The following PDHX variants were observed in gnomAD, a reference collection of about 807,000 sequenced individuals.
The protein encoded by PDHX is pyruvate dehydrogenase complex component X, also known as pyruvate dehydrogenase protein X component, mitochondrial.
A neutral mutation model predicts 55.3 loss-of-function variants in PDHX; 33 were observed. That is an observed-to-expected ratio of 0.60 (90% CI 0.45 to 0.80). The LOEUF (loss-of-function observed/expected upper bound fraction) is 0.80, where lower values mean the gene tolerates loss of function less well. PDHX is among the 30% of genes least tolerant of loss of function. The probability of loss-of-function intolerance (pLI) is 0.00; values close to 1 mark genes in which losing one functional copy is unlikely to be tolerated. For missense variants in PDHX, 622 were observed against 619.9 expected, an observed-to-expected ratio of 1.00 and a Z score of -0.04; for synonymous variants, 226 against 219.4, an observed-to-expected ratio of 1.03 and a Z score of -0.27.
chr11:34,971,440 A>G (rs1336055006), intron 7 of PDHX, among the ~76,000 whole-genome samples: 2 of 152,132 alleles, frequency 1.3e-5, no homozygotes, highest in Non-Finnish European at 2.9e-5. Context: ...TTTTTTGTAG[A>G]ATATTATTTT....
intron 2 of PDHX, among the ~76,000 whole-genome samples, chr11:34,936,269 A>G (rs12275275): frequency 0.19 from 28,728 of 152,038 alleles, 3,862 homozygotes; most frequent in African/African-American, 0.39. Flanking sequence ...GGTCCTTGAT[A>G]GACCCAACCA....
chr11:34,994,988 CGGTTGGGA>C lies in PDHX; in HGVS notation c.1327_1334del (p.Gly443ProfsTer8). 1 of 1,613,928 alleles carries C rather than the reference CGGTTGGGA, an allele frequency of 6.2e-7. No individual in the cohort carries two copies. The highest frequency in any genetic ancestry group is 8.5e-7 in the Non-Finnish European group (1 of 1,179,900). On this transcript the variant is annotated frameshift_variant, in exon 11 of 11. Transcript: ENST00000227868. LOFTEE classifies it high-confidence loss of function. ...AACCCTCCTCAGGCCTGCATTTTGG[CGGTTGGGA>C]GGTTCCGACCTGTGCTGAAGCTCAC...
At chr11:34,916,611 G>C, upstream of PDHX, 1 of 1,598,896 alleles carries the variant, frequency 6.3e-7, no homozygotes, top group South Asian at 1.1e-5. Context: ...CCTTGATGCT[G>C]GACATCAGGC....
intron 10 of PDHX, among the ~76,000 whole-genome samples, chr11:34,994,477 T>C (rs1855817869): frequency 1.3e-5 from 2 of 152,198 alleles, no homozygotes; most frequent in African/African-American, 2.4e-5. Context: ...CTGTAGACTT[T>C]ATAAACACTG....
At chr11:34,951,401 G>A (rs1279861086) in intron 3 of PDHX, among the ~76,000 whole-genome samples, 1 of 152,138 alleles carries the variant, frequency 6.6e-6, no homozygotes, top group Non-Finnish European at 1.5e-5. Context: ...ACTGGTGTGA[G>A]ATGGTATCTC....
In PDHX at chr11:34,957,575, G is replaced by C; in HGVS notation, c.534G>C (p.Gly178=). 1 of 1,612,022 alleles carries C rather than the reference G, an allele frequency of 6.2e-7. No individual in the cohort carries two copies. The highest frequency in any genetic ancestry group is 8.5e-7 in the Non-Finnish European group (1 of 1,178,344). ...SIPVKKEHIP[G]TLRFRLSPAA... ...CTGTCAAGAAGGAACACATACCCGG[G>C]ACACTACGGTGAGTATATATTTATT... The change falls in exon 4 of 11, where the codon GGG becomes GGC. Residue 178 remains glycine, a synonymous_variant. Transcript: ENST00000227868.
At chr11:34,941,973 G>A (rs1565154081) in intron 2 of PDHX, 1 of 152,784 alleles carries the variant, frequency 6.5e-6, no homozygotes, top group Non-Finnish European at 1.5e-5. Context: ...GAACACTCCA[G>A]GGCTGCCATC....
chr11:34,955,610 A>G (rs1590749567), intron 3 of PDHX, among the ~76,000 whole-genome samples: 1 of 152,196 alleles, frequency 6.6e-6, no homozygotes, highest in South Asian at 2.1e-4. Context: ...TTTGATATTT[A>G]GATAATGGTA....
chr11:34,974,634 C>T (rs917193450), intron 7 of PDHX, among the ~76,000 whole-genome samples: 6 of 152,144 alleles, frequency 3.9e-5, no homozygotes, highest in East Asian at 3.9e-4. Flanking sequence ...CCACTAATGG[C>T]GCACCAATGG....
intron 9 of PDHX, 75 bp downstream of exon 9, chr11:34,984,803 G>T: frequency 7.2e-7 from 1 of 1,397,426 alleles, no homozygotes; most frequent in Non-Finnish European, 1.0e-6. Flanking sequence ...ATAAAGTTGT[G>T]ACGTAATCTA....
At chr11:34,977,740 A>G (rs1337601892) in intron 7 of PDHX, 6 of 457,280 alleles carry the variant, frequency 1.3e-5, no homozygotes, top group Non-Finnish European at 2.6e-5. Context: ...GAGGAAGAAA[A>G]TGAATCATCT....
At chr11:34,928,466 C>CTTTT (rs1206099542) in intron 1 of PDHX, among the ~76,000 whole-genome samples, 1 of 140,004 alleles carries the variant, frequency 7.1e-6, no homozygotes, top group East Asian at 2.0e-4. Context: ...CACCCCCCTC[C>CTTTT]TTTTTTTTTT....
At chr11:34,983,659 G>C (rs1385674435) in intron 8 of PDHX, among the ~76,000 whole-genome samples, 1 of 151,648 alleles carries the variant, frequency 6.6e-6, no homozygotes, top group African/African-American at 2.4e-5. Context: ...AATCATGAGT[G>C]AACTCCCATT....
intron 9 of PDHX, among the ~76,000 whole-genome samples, chr11:34,990,187 G>A (rs1034161995): frequency 6.6e-5 from 10 of 152,130 alleles, no homozygotes; most frequent in Non-Finnish European, 1.3e-4. Context: ...GTATTAAAAG[G>A]CAGAGGCATA....
intron 1 of PDHX, among the ~76,000 whole-genome samples, chr11:34,920,895 A>T (rs1227419480): frequency 6.6e-6 from 1 of 152,108 alleles, no homozygotes; most frequent in Non-Finnish European, 1.5e-5. Context: ...TAAAGAAAAA[A>T]CCTGAAGATG....
chr11:34,968,487 G>A (rs1855184173), intron 6 of PDHX, among the ~76,000 whole-genome samples: 1 of 152,108 alleles, frequency 6.6e-6, no homozygotes, highest in African/African-American at 2.4e-5. Context: ...GACAAGAAAG[G>A]AATTAGATAT....
rs769225702 is a variant in PDHX at position 34,957,547 on chromosome 11, T to C, written c.506T>C (p.Ile169Thr). 2.5e-6 allele frequency: 4 copies of C among 1,613,824 alleles called. No homozygotes were observed. The highest frequency in any genetic ancestry group is 3.4e-6 in the Non-Finnish European group (4 of 1,179,960). Residue 169 changes from isoleucine to threonine, a missense_variant, in exon 4 of 11, where the codon ATC becomes ACC. Transcript: ENST00000227868. Reference protein sequence around the residue: ...PRPSPEPQISIPVKKEHIPGT... With the variant: ...PRPSPEPQISTPVKKEHIPGT... ...CCCTCACCAGAACCACAGATTTCCA[T>C]CCCTGTCAAGAAGGAACACATACCC...
intron 10 of PDHX, 29 bp downstream of exon 10, chr11:34,992,408 G>A (rs1375075086): frequency 2.7e-6 from 3 of 1,107,890 alleles, no homozygotes; most frequent in Admixed American, 1.7e-5. Flanking sequence ...ATTATCCATA[G>A]CATCAAACAG....
intron 8 of PDHX, among the ~76,000 whole-genome samples, chr11:34,982,859 T>TA (rs1389253738): frequency 2.0e-5 from 3 of 152,172 alleles, no homozygotes; most frequent in Non-Finnish European, 4.4e-5. Flanking sequence ...GAGGAGCTGT[T>TA]ACCATTCCTT....
Sources: gnomAD v4.1 joint callset for allele counts (sites outside exome capture counted in the v4.1 genomes callset) on GRCh38, gnomAD v4.1.1 for gene constraint, MANE v1.5 for transcripts, NCBI Gene and HGNC (gene_info 2026-07-23, HGNC 2026-07-21) for gene names.